The following PTPRD variants were observed in gnomAD, a reference collection of about 807,000 sequenced individuals.
The protein encoded by PTPRD is receptor-type tyrosine-protein phosphatase delta.
Under a neutral mutation model 214.5 loss-of-function variants are expected in PTPRD, and 34 were observed. That is an observed-to-expected ratio of 0.16 (90% confidence interval 0.12 to 0.21). The LOEUF is 0.21. Ranked by LOEUF, PTPRD falls within the 10% of genes least tolerant of loss-of-function variation. The pLI is 1.00. For synonymous variants in PTPRD, 1,128 were observed against 845.7 expected, an observed-to-expected ratio of 1.33 and a Z score of -5.79; for missense variants, 2,545 against 2,398.7, an observed-to-expected ratio of 1.06 and a Z score of -1.27.
At chr9:9,241,582 G>C (rs1322535540) in intron 9 of PTPRD, among the ~76,000 whole-genome samples, 1 of 151,970 alleles carries the variant, frequency 6.6e-6, no homozygotes, top group African/African-American at 2.4e-5. Flanking sequence ...CTTTACAGGT[G>C]GGTAAAAAAT....
chr9:8,637,080 G>A (rs2154329063), intron 12 of PTPRD, among the ~76,000 whole-genome samples: 1 of 152,212 alleles, frequency 6.6e-6, no homozygotes, highest in South Asian at 2.1e-4. Flanking sequence ...GCTGAAATCT[G>A]TATTAAGGTA....
chr9:10,574,522 C>T (rs2068527272), intron 2 of PTPRD, among the ~76,000 whole-genome samples: 1 of 148,180 alleles, frequency 6.7e-6, no homozygotes, highest in South Asian at 2.3e-4. Context: ...ACAACTACAA[C>T]TAGAGAGAAA....
intron 31 of PTPRD, among the ~76,000 whole-genome samples, chr9:8,470,486 T>C (rs561845723): frequency 4.6e-5 from 7 of 152,290 alleles, no homozygotes; most frequent in Non-Finnish European, 7.4e-5. Context: ...AAATGCATTT[T>C]TGACTCTGAA....
At chr9:9,229,077 C>A (rs1291597816) in intron 9 of PTPRD, among the ~76,000 whole-genome samples, 3 of 152,052 alleles carry the variant, frequency 2.0e-5, no homozygotes, top group African/African-American at 4.8e-5. Context: ...TATGTGTTGA[C>A]CTTTTTGTTT....
At chr9:8,787,121 C>T (rs1189824865) in intron 11 of PTPRD, among the ~76,000 whole-genome samples, 1 of 152,114 alleles carries the variant, frequency 6.6e-6, no homozygotes, top group Non-Finnish European at 1.5e-5. Flanking sequence ...CAGACATGAG[C>T]CACTACGCCT....
chr9:9,962,574 G>T (rs2094437284), intron 4 of PTPRD, among the ~76,000 whole-genome samples: 1 of 152,052 alleles, frequency 6.6e-6, no homozygotes, highest in Non-Finnish European at 1.5e-5. Flanking sequence ...AAACTCCGTT[G>T]CCCTTTTTTT....
chr9:10,316,627 A>C (rs923557531), intron 3 of PTPRD, among the ~76,000 whole-genome samples: 1 of 152,026 alleles, frequency 6.6e-6, no homozygotes, highest in African/African-American at 2.4e-5. Flanking sequence ...CTTTATAGTG[A>C]ATCAACACAA....
At chr9:10,378,461 C>T (rs989234225) in intron 2 of PTPRD, among the ~76,000 whole-genome samples, 2 of 151,966 alleles carry the variant, frequency 1.3e-5, no homozygotes, top group African/African-American at 4.8e-5. Context: ...AAGTTTAAGT[C>T]TTTAATCCAT....
At chr9:9,691,237 T>C (rs951258695) in intron 7 of PTPRD, among the ~76,000 whole-genome samples, 3 of 151,914 alleles carry the variant, frequency 2.0e-5, no homozygotes, top group African/African-American at 7.2e-5. Context: ...CCAGATCTTA[T>C]TTGTTCTATT....
At chr9:10,525,419 C>G (rs73396228) in intron 2 of PTPRD, among the ~76,000 whole-genome samples, 2 of 151,788 alleles carry the variant, frequency 1.3e-5, no homozygotes, top group East Asian at 1.9e-4. Flanking sequence ...ACCAAGCCAC[C>G]CAATCATTAT....
rs537762467 is a variant in PTPRD at position 9,275,054 on chromosome 9, TG to T, written c.-202-91692del. ...AAATCCCTTTGTTTCCATATATATA[TG>T]TATATATATATTATATATATATATA... On this transcript the variant is annotated intron_variant, in intron 9 of 45. Coordinates refer to ENST00000381196, the MANE Select transcript of PTPRD (RefSeq NM_002839.4). 4.6e-3 allele frequency among the ~76,000 whole-genome samples: 392 copies of T among 85,644 alleles called. 4 individuals are homozygous for T. Among genetic ancestry groups the T allele is most frequent in the African/African-American group, 5.9e-3 (127 of 21,430 alleles). 56.2% of individuals were successfully genotyped at this position (85,644 alleles called of 152,430 possible).
At chr9:8,474,395 C>T (rs2096721769) in intron 30 of PTPRD, among the ~76,000 whole-genome samples, 1 of 152,150 alleles carries the variant, frequency 6.6e-6, no homozygotes. Context: ...CCACGTACCA[C>T]TGAAGCTCTC....
At chr9:10,599,970 T>A (rs1169114230) in intron 2 of PTPRD, among the ~76,000 whole-genome samples, 1 of 151,782 alleles carries the variant, frequency 6.6e-6, no homozygotes, top group African/African-American at 2.4e-5. Flanking sequence ...ATTTTACTAT[T>A]GATAATATTG....
At chr9:8,857,577 T>C (rs1185582282) in intron 11 of PTPRD, 1 of 152,516 alleles carries the variant, frequency 6.6e-6, no homozygotes, top group East Asian at 1.9e-4. Context: ...CGCAGGGCGA[T>C]TCCGGAGCAG....
chr9:9,012,992 GA>G (rs992782298), intron 11 of PTPRD, among the ~76,000 whole-genome samples: 1 of 151,904 alleles, frequency 6.6e-6, no homozygotes, highest in East Asian at 1.9e-4. Context: ...TTTTTTGAAT[GA>G]AAAAAATAAA....
intron 11 of PTPRD, among the ~76,000 whole-genome samples, chr9:8,976,401 T>C (rs2099268263): frequency 6.6e-6 from 1 of 152,096 alleles, no homozygotes; most frequent in Admixed American, 6.6e-5. Context: ...GCTTCATATG[T>C]TCTTTTGCTG....
intron 11 of PTPRD, among the ~76,000 whole-genome samples, chr9:9,001,754 A>T (rs1054824451): frequency 6.6e-6 from 1 of 152,050 alleles, no homozygotes; most frequent in Non-Finnish European, 1.5e-5. Context: ...GGAGCCTACT[A>T]ACCCGCTCTT....
At chr9:10,611,993 A>AT (rs767915802) in intron 2 of PTPRD, among the ~76,000 whole-genome samples, 3 of 147,174 alleles carry the variant, frequency 2.0e-5, no homozygotes. Context: ...GGGAGTTAGC[A>AT]TGGATTAGGG....
chr9:8,485,590 T>C, intron 28 of PTPRD, 172 bp downstream of exon 28: 1 of 678,272 alleles, frequency 1.5e-6, no homozygotes, highest in Non-Finnish European at 2.4e-6. Flanking sequence ...TGACATTCTA[T>C]AACTGAAATC....
Sources: gnomAD v4.1 joint callset for allele counts (sites outside exome capture counted in the v4.1 genomes callset) on GRCh38, gnomAD v4.1.1 for gene constraint, MANE v1.5 for transcripts, NCBI Gene and HGNC (gene_info 2026-07-23, HGNC 2026-07-21) for gene names.